TCF7L1: variants seen among roughly 807,000 people sequenced by gnomAD.
The protein encoded by TCF7L1 is transcription factor 7 like 1.
A neutral mutation model predicts 63.7 loss-of-function variants in TCF7L1; 18 were observed. The observed-to-expected ratio is 0.28, with a 90% confidence interval of 0.20 to 0.42. The LOEUF (loss-of-function observed/expected upper bound fraction) is 0.42, where lower values mean the gene tolerates loss of function less well. Among genes scored for constraint, TCF7L1 ranks in the 10% least tolerant of loss-of-function variants. The probability of loss-of-function intolerance (pLI) is 1.00; values close to 1 mark genes in which losing one functional copy is unlikely to be tolerated. For synonymous variants in TCF7L1, 355 were observed against 340.9 expected (o/e 1.04, Z -0.46); for missense variants, 654 against 779.3 (o/e 0.84, Z 1.91).
intron 3 of TCF7L1, among the ~76,000 whole-genome samples, chr2:85,196,688 A>C (rs776753873): frequency 6.6e-6 from 1 of 152,174 alleles, no homozygotes; most frequent in Non-Finnish European, 1.5e-5. Context: ...ATAAGGTTCC[A>C]GGTGATTCCA....
At chr2:85,303,637 G>A in intron 5 of TCF7L1, 1 of 369,136 alleles carries the variant, frequency 2.7e-6, no homozygotes, top group East Asian at 4.1e-5. Context: ...CTGTATCACA[G>A]CCAGCTGGAA....
chr2:85,261,568 C>T (rs1435868344), intron 3 of TCF7L1, among the ~76,000 whole-genome samples: 2 of 152,168 alleles, frequency 1.3e-5, no homozygotes, highest in Admixed American at 1.3e-4. Context: ...CCAGCCTAAG[C>T]AATCAGGTGA....
chr2:85,241,448 T>TG (rs1680327849), intron 3 of TCF7L1, among the ~76,000 whole-genome samples: 2 of 140,174 alleles, frequency 1.4e-5, no homozygotes, highest in Admixed American at 7.1e-5. Context: ...TTTTTTTTTT[T>TG]TTTTTTTTTT....
Position 85,134,317 on chromosome 2 carries a change from T to A in TCF7L1, c.314-6T>A. 1 of 1,580,762 alleles carries A rather than the reference T, an allele frequency of 6.3e-7. No individual in the cohort carries two copies. The highest frequency in any genetic ancestry group is 8.6e-7 in the Non-Finnish European group (1 of 1,162,708). ...GGGCCTCACCTCGCCTTGGTCTTGT[T>A]CGCAGTGAGAAGGCCTCAGGACAGC... is the stretch of plus-strand genomic sequence containing the variant. On this transcript the variant is annotated splice_region_variant and splice_polypyrimidine_tract_variant and intron_variant, in intron 2 of 11. Coordinates refer to ENST00000282111, the MANE Select transcript of TCF7L1 (RefSeq NM_031283.3). The surrounding 1 kb of genome is among the most constrained non-coding windows in gnomAD (Gnocchi z 5.0).
chr2:85,242,065 A>C (rs1409779370), intron 3 of TCF7L1, among the ~76,000 whole-genome samples: 1 of 152,096 alleles, frequency 6.6e-6, no homozygotes, highest in African/African-American at 2.4e-5. Context: ...GAACCTAAAA[A>C]CATCTGTAAG....
chr2:85,168,873 G>A (rs1015715454), intron 3 of TCF7L1, among the ~76,000 whole-genome samples: 2 of 152,036 alleles, frequency 1.3e-5, no homozygotes, highest in African/African-American at 2.4e-5. Context: ...CACCCACCTC[G>A]GCCTCCCAAA....
At chr2:85,237,875 A>G (rs1680230538) in intron 3 of TCF7L1, among the ~76,000 whole-genome samples, 2 of 152,000 alleles carry the variant, frequency 1.3e-5, no homozygotes. Context: ...CTGGCTCTTC[A>G]CATATGGAGG....
chr2:85,267,026 A>G (rs1680991311), intron 3 of TCF7L1, among the ~76,000 whole-genome samples: 1 of 152,144 alleles, frequency 6.6e-6, no homozygotes, highest in Non-Finnish European at 1.5e-5. Context: ...CTCTTCCAGC[A>G]CTAGCATAAT....
At position 85,303,946 on chromosome 2, in the gene TCF7L1, C is replaced by T. The variant is rs148978980; in HGVS notation, c.710C>T (p.Ser237Phe). ...PSELSPYYPL[S>F]PGAVGQIPHP... ...GAGCTGTCACCGTATTACCCACTCTCTCCCGGAGCTGTCGGACAAATCCCC... is the reference window on the plus strand; with the variant it reads ...GAGCTGTCACCGTATTACCCACTCTTTCCCGGAGCTGTCGGACAAATCCCC... Residue 237 changes from serine (S) to phenylalanine (F), a missense_variant, in exon 6 of 12, where the codon TCT becomes TTT. Physicochemically the swap from Ser to Phe is radical, Grantham distance 155. Around this residue, in one of 3 missense-constraint regions of TCF7L1, gnomAD observed 404 missense variants for 454.8 expected, o/e 0.89. Transcript: ENST00000282111. 4.3e-6 allele frequency: 7 copies of T among 1,613,974 alleles called. No homozygotes were observed. Among genetic ancestry groups the T allele is most frequent in the Non-Finnish European group, 5.9e-6 (7 of 1,179,912 alleles).
intron 11 of TCF7L1, 79 bp downstream of exon 11, chr2:85,307,796 C>T (rs1376960895): frequency 7.4e-7 from 1 of 1,348,760 alleles, no homozygotes; most frequent in African/African-American, 1.4e-5. Flanking sequence ...CTCTAGCTCC[C>T]TGATGGGTCA....
intron 3 of TCF7L1, among the ~76,000 whole-genome samples, chr2:85,242,292 T>C (rs1274930100): frequency 6.6e-6 from 1 of 152,206 alleles, no homozygotes; most frequent in Non-Finnish European, 1.5e-5. Flanking sequence ...CCACGTCACA[T>C]AAAGCCCCGG....
chr2:85,271,080 T>C (rs1362066852), intron 3 of TCF7L1, among the ~76,000 whole-genome samples: 1 of 151,952 alleles, frequency 6.6e-6, no homozygotes, highest in African/African-American at 2.4e-5. Flanking sequence ...CTAGTGCCAG[T>C]GTCGAGGAAA....
intron 4 of TCF7L1, among the ~76,000 whole-genome samples, chr2:85,290,077 A>G (rs62162682): frequency 0.088 from 13,264 of 150,558 alleles, 654 homozygotes; most frequent in South Asian, 0.18. Context: ...CTCCGGGTTC[A>G]AGCAATTCTC....
chr2:85,228,754 G>A (rs760978511), intron 3 of TCF7L1, among the ~76,000 whole-genome samples: 15 of 151,976 alleles, frequency 9.9e-5, no homozygotes, highest in Admixed American at 4.6e-4. Flanking sequence ...GGTGGCTCAC[G>A]CCTGTAATCC....
chr2:85,303,885 T>G lies in TCF7L1; in HGVS notation c.659-10T>G. ...AGGGAACAGTCTGACATATCTCTCT[T>G]TGGAAGCAGGAATCCCCCGGCCCCC... On this transcript the variant is annotated splice_polypyrimidine_tract_variant and intron_variant, in intron 5 of 11. Coordinates refer to ENST00000282111, the MANE Select transcript of TCF7L1 (RefSeq NM_031283.3). 6.2e-7 allele frequency: 1 copy of G among 1,601,526 alleles called. No homozygotes were observed. Among genetic ancestry groups the G allele is most frequent in the Non-Finnish European group, 8.5e-7 (1 of 1,170,618 alleles).
chr2:85,309,516 A>C lies in TCF7L1; in HGVS notation c.*54A>C. ...ATGACTCATTGAGTAGTAATGATTC[A>C]GAAGAAAAAGAAAAAGGAGACTTTA... On this transcript the variant is annotated 3_prime_UTR_variant, in exon 12 of 12. Transcript: ENST00000282111. The C allele has an allele frequency of 6.7e-7, 1 of 1,497,876 alleles. No individual in the cohort carries two copies. Among genetic ancestry groups the C allele is most frequent in the South Asian group, 1.4e-5 (1 of 73,378 alleles). 92.8% of individuals were successfully genotyped at this position (1,497,876 alleles called of 1,614,324 possible).
At chr2:85,288,224 T>A (rs943210922) in intron 4 of TCF7L1, among the ~76,000 whole-genome samples, 4 of 152,206 alleles carry the variant, frequency 2.6e-5, no homozygotes, top group Non-Finnish European at 5.9e-5. Context: ...ATAATGAGCC[T>A]ATAGAATTTA....
Position 85,134,534 on chromosome 2 carries a change from A to C in TCF7L1, c.441+84A>C. 1 of 1,389,270 alleles carries C rather than the reference A, an allele frequency of 7.2e-7. No individual in the cohort carries two copies. The highest frequency in any genetic ancestry group is 9.5e-7 in the Non-Finnish European group (1 of 1,052,292). The allele number at this position is 1,389,270 out of a possible 1,614,324, so 86.1% of individuals were successfully genotyped here. A position where few individuals can be genotyped will look rare whatever the true frequency, so the allele number is the denominator to read the frequency against. ...CCCGGGCTTGGCCATGGAGTGGGGG[A>C]TGGGGCCTTCTGCGCCGATCCCAAG... On this transcript the variant is annotated intron_variant, in intron 3 of 11. Coordinates refer to ENST00000282111, the MANE Select transcript of TCF7L1 (RefSeq NM_031283.3). This position sits in a 1 kb window ranked among gnomAD's most constrained non-coding sequence, Gnocchi z 5.0.
intron 3 of TCF7L1, among the ~76,000 whole-genome samples, chr2:85,209,650 G>A (rs560050852): frequency 6.6e-6 from 1 of 152,246 alleles, no homozygotes; most frequent in South Asian, 2.1e-4. Context: ...GGTGCTTGTC[G>A]AAATGCAGAC....
Sources: gnomAD v4.1 joint callset for allele counts (sites outside exome capture counted in the v4.1 genomes callset) on GRCh38, gnomAD v4.1.1 for gene constraint, gnomAD v4.1.1 regional missense constraint, Gnocchi (gnomAD v3.1) non-coding constraint, MANE v1.5 for transcripts, NCBI Gene and HGNC (gene_info 2026-07-23, HGNC 2026-07-21) for gene names.